Variants in ASIC2 observed in about 807,000 individuals in gnomAD.
The protein encoded by ASIC2 is acid-sensing ion channel 2.
A neutral mutation model predicts 57.3 loss-of-function variants in ASIC2; 25 were observed. The ratio of observed to expected loss-of-function variants is 0.44; its 90% CI spans 0.32 to 0.61. The LOEUF is 0.61. ASIC2 is among the 20% of genes least tolerant of loss of function. The probability of loss-of-function intolerance (pLI) is 0.06; values close to 1 mark genes in which losing one functional copy is unlikely to be tolerated. For missense variants in ASIC2, 641 were observed against 738.1 expected (o/e 0.87, Z 1.52); for synonymous variants, 319 against 307.5 (o/e 1.04, Z -0.39).
intron 1 of ASIC2, among the ~76,000 whole-genome samples, chr17:33,574,077 A>C (rs889537020): frequency 2.6e-5 from 4 of 152,166 alleles, no homozygotes; most frequent in African/African-American, 9.7e-5. Flanking sequence ...AGGGAGGAGG[A>C]GCTCTCTAAG....
rs114668761 is a variant in ASIC2 at position 34,104,678 on chromosome 17, G to A, written c.555+51300C>T. ...CTGAGAATTACTGTCATTAATGAGT[G>A]CTGGATATTGTTAAATGCCTTTTCT... On this transcript the variant is annotated intron_variant, in intron 1 of 9. Coordinates refer to the ASIC2 transcript ENST00000359872. Among the ~76,000 whole-genome samples the A allele has an allele frequency of 2.1e-3, 322 of 152,114 alleles. 1 individual carries two copies. Among genetic ancestry groups the A allele is most frequent in the African/African-American group, 7.1e-3 (293 of 41,544 alleles).
chr17:33,769,834 A>C (rs1597868884), intron 1 of ASIC2, among the ~76,000 whole-genome samples: 1 of 152,204 alleles, frequency 6.6e-6, no homozygotes, highest in African/African-American at 2.4e-5. Context: ...GCGGATGGCC[A>C]TCTTCTCACT....
chr17:33,215,555 T>C (rs966428236), intron 1 of ASIC2, among the ~76,000 whole-genome samples: 5 of 152,162 alleles, frequency 3.3e-5, no homozygotes, highest in African/African-American at 1.2e-4. Context: ...TAATCTAAAA[T>C]TGATATTTAA....
chr17:33,146,901 C>G (rs1567762610), intron 1 of ASIC2, among the ~76,000 whole-genome samples: 1 of 152,248 alleles, frequency 6.6e-6, no homozygotes, highest in Non-Finnish European at 1.5e-5. Context: ...GAAATCAGCT[C>G]ATAGCAAACC....
At chr17:33,385,818 T>C (rs747788533) in intron 1 of ASIC2, among the ~76,000 whole-genome samples, 2 of 152,130 alleles carry the variant, frequency 1.3e-5, no homozygotes, top group Non-Finnish European at 2.9e-5. Flanking sequence ...CTGGGTGGAA[T>C]GGGCAGAGGA....
intron 1 of ASIC2, among the ~76,000 whole-genome samples, chr17:33,527,950 A>G (rs1009643675): frequency 2.0e-5 from 3 of 152,154 alleles, no homozygotes; most frequent in African/African-American, 7.2e-5. Context: ...CTGTAGGAAG[A>G]GGAGGAAGAA....
intron 1 of ASIC2, among the ~76,000 whole-genome samples, chr17:33,299,488 T>G (rs1905861776): frequency 6.6e-6 from 1 of 152,176 alleles, no homozygotes; most frequent in Non-Finnish European, 1.5e-5. Context: ...TTGTTGTTCC[T>G]TCCTTCCTTT....
intron 1 of ASIC2, among the ~76,000 whole-genome samples, chr17:33,553,975 G>A (rs8065845): frequency 0.57 from 86,143 of 151,970 alleles, 25,574 homozygotes; most frequent in African/African-American, 0.75. Context: ...CTGCAGTTGA[G>A]TTCTCTTCCT....
chr17:33,272,603 C>T (rs1904540910), intron 1 of ASIC2, among the ~76,000 whole-genome samples: 1 of 152,170 alleles, frequency 6.6e-6, no homozygotes, highest in Non-Finnish European at 1.5e-5. Context: ...TCATCATCAT[C>T]ACCATTCCTC....
At chr17:33,937,188 G>T (rs1352488141) in intron 1 of ASIC2, among the ~76,000 whole-genome samples, 1 of 152,098 alleles carries the variant, frequency 6.6e-6, no homozygotes, top group Non-Finnish European at 1.5e-5. Flanking sequence ...TGCAAACTCC[G>T]CCTCCTGTGT....
At chr17:33,211,448 A>G (rs150184280) in intron 1 of ASIC2, among the ~76,000 whole-genome samples, 28 of 152,140 alleles carry the variant, frequency 1.8e-4, no homozygotes, top group Non-Finnish European at 3.4e-4. Flanking sequence ...ATTGGGGGAC[A>G]TCACCACCAA....
intron 1 of ASIC2, among the ~76,000 whole-genome samples, chr17:33,165,596 C>A (rs936714299): frequency 4.6e-5 from 7 of 152,014 alleles, no homozygotes; most frequent in African/African-American, 1.7e-4. Context: ...ATGGGCTCAG[C>A]CCACAAATAA....
intron 1 of ASIC2, among the ~76,000 whole-genome samples, chr17:34,085,746 T>C (rs1435734622): frequency 6.6e-6 from 1 of 152,138 alleles, no homozygotes; most frequent in African/African-American, 2.4e-5. Context: ...GAGATTCAAC[T>C]TCTTCCTGGT....
intron 1 of ASIC2, among the ~76,000 whole-genome samples, chr17:33,489,303 G>A (rs1334685432): frequency 6.6e-6 from 1 of 152,162 alleles, no homozygotes; most frequent in Admixed American, 6.5e-5. Flanking sequence ...AAAACCCAAA[G>A]GGGTGGGTAT....
chr17:34,118,050 G>C (rs1284716621), intron 1 of ASIC2, among the ~76,000 whole-genome samples: 1 of 152,158 alleles, frequency 6.6e-6, no homozygotes, highest in East Asian at 1.9e-4. Context: ...AGGCTGGGGG[G>C]TCTCCTGGCT....
intron 1 of ASIC2, chr17:33,291,197 G>T: frequency 1.8e-6 from 2 of 1,098,694 alleles, no homozygotes; most frequent in Non-Finnish European, 2.4e-6. Context: ...GCTCCCACTG[G>T]TGGGAGGCGA....
intron 1 of ASIC2, among the ~76,000 whole-genome samples, chr17:33,891,588 G>A (rs566634006): frequency 6.6e-6 from 1 of 152,094 alleles, no homozygotes; most frequent in Non-Finnish European, 1.5e-5. Flanking sequence ...AGTCACTTTA[G>A]GTTAATCCCA....
At chr17:33,066,185 G>T (rs987966955) in intron 3 of ASIC2, among the ~76,000 whole-genome samples, 1 of 152,172 alleles carries the variant, frequency 6.6e-6, no homozygotes, top group African/African-American at 2.4e-5. Context: ...ATTGCTCAGG[G>T]GCAGTGAAGA....
chr17:33,492,873 C>T (rs1246642604), intron 1 of ASIC2, among the ~76,000 whole-genome samples: 2 of 152,188 alleles, frequency 1.3e-5, no homozygotes, highest in Non-Finnish European at 2.9e-5. Context: ...GTGCACTTTC[C>T]TCTCTGTACA....
Sources: gnomAD v4.1 joint callset for allele counts (sites outside exome capture counted in the v4.1 genomes callset) on GRCh38, gnomAD v4.1.1 for gene constraint, MANE v1.5 for transcripts, NCBI Gene and HGNC (gene_info 2026-07-23, HGNC 2026-07-21) for gene names.